GPHN: variants seen among roughly 807,000 people sequenced by gnomAD.
GPHN encodes gephyrin.
A neutral mutation model predicts 95.5 loss-of-function variants in GPHN; 17 were observed. That is an observed-to-expected ratio of 0.18 (90% confidence interval 0.12 to 0.27). The LOEUF (loss-of-function observed/expected upper bound fraction) is 0.27, where lower values mean the gene tolerates loss of function less well. GPHN is among the 10% of genes least tolerant of loss of function. The probability of loss-of-function intolerance (pLI) is 1.00; values close to 1 mark genes in which losing one functional copy is unlikely to be tolerated. For synonymous variants in GPHN, 320 were observed against 322.5 expected, an observed-to-expected ratio of 0.99 and a Z score of 0.08; for missense variants, 660 against 978.1, an observed-to-expected ratio of 0.67 and a Z score of 4.34.
At chr14:66,796,854 G>C (rs1431625800) in intron 3 of GPHN, among the ~76,000 whole-genome samples, 1 of 151,814 alleles carries the variant, frequency 6.6e-6, no homozygotes, top group Non-Finnish European at 1.5e-5. Context: ...TTTTGCTTTG[G>C]TTACCTATGC....
chr14:67,208,166 T>G, the GPHN span: 1 of 1,610,320 alleles, frequency 6.2e-7, no homozygotes. Context: ...GATGCTCTTC[T>G]GTTACCTGAT....
intron 12 of GPHN, among the ~76,000 whole-genome samples, chr14:67,098,230 G>A (rs117023397): frequency 0.019 from 2,933 of 152,182 alleles, 38 homozygotes; most frequent in Middle Eastern, 0.034. Flanking sequence ...TAGAAGCAGC[G>A]TCTAGGTTTA....
At chr14:67,073,061 T>A (rs77690662) in intron 11 of GPHN, among the ~76,000 whole-genome samples, 2,925 of 152,220 alleles carry the variant, frequency 0.019, 38 homozygotes, top group Middle Eastern at 0.034. Flanking sequence ...TTCCTGCATA[T>A]AAACTTTGTT....
chr14:67,257,671 A>G, the GPHN span, among the ~76,000 whole-genome samples: 2 of 152,198 alleles, frequency 1.3e-5, no homozygotes, highest in Non-Finnish European at 2.9e-5. Flanking sequence ...ATATGTATGT[A>G]TATATAACAT....
At chr14:66,702,907 G>A (rs1421794603) in intron 2 of GPHN, among the ~76,000 whole-genome samples, 1 of 152,182 alleles carries the variant, frequency 6.6e-6, no homozygotes, top group East Asian at 1.9e-4. Context: ...TAAAAGGTTA[G>A]AGGAGCTGCC....
chr14:67,606,084 C>T, the GPHN span, among the ~76,000 whole-genome samples: 1 of 152,112 alleles, frequency 6.6e-6, no homozygotes, highest in Non-Finnish European at 1.5e-5. Context: ...TATTTTTCCC[C>T]GACATTAATC....
the GPHN span, among the ~76,000 whole-genome samples, chr14:67,617,875 C>T: frequency 6.6e-6 from 1 of 152,210 alleles, no homozygotes; most frequent in Non-Finnish European, 1.5e-5. Flanking sequence ...TGCCCGCCAC[C>T]ATGCCCAGCT....
intron 2 of GPHN, among the ~76,000 whole-genome samples, chr14:66,773,264 C>A (rs1275965462): frequency 6.6e-6 from 1 of 151,914 alleles, no homozygotes; most frequent in East Asian, 1.9e-4. Flanking sequence ...TAGTTGAGTA[C>A]CAGAAATATT....
At chr14:66,945,551 C>G (rs377449450) in intron 8 of GPHN, among the ~76,000 whole-genome samples, 1 of 152,046 alleles carries the variant, frequency 6.6e-6, no homozygotes, top group Non-Finnish European at 1.5e-5. Context: ...ATGGGTACAC[C>G]GGAATCTCAG....
intron 17 of GPHN, among the ~76,000 whole-genome samples, chr14:67,139,091 C>T (rs1461590080): frequency 1.3e-5 from 2 of 151,408 alleles, no homozygotes; most frequent in Admixed American, 6.6e-5. Flanking sequence ...GCCATGGTGG[C>T]GGACATTTGT....
At chr14:67,195,156 G>T in the GPHN span, among the ~76,000 whole-genome samples, 2 of 152,172 alleles carry the variant, frequency 1.3e-5, no homozygotes, top group African/African-American at 2.4e-5. Context: ...AATAATTCCA[G>T]AACAATTATT....
At chr14:67,478,585 C>T in the GPHN span, among the ~76,000 whole-genome samples, 4 of 152,240 alleles carry the variant, frequency 2.6e-5, no homozygotes, top group African/African-American at 9.6e-5. Flanking sequence ...AGTGGATCTT[C>T]AACATCTACA....
chr14:66,875,212 C>T (rs2153530371), intron 4 of GPHN, among the ~76,000 whole-genome samples: 1 of 152,258 alleles, frequency 6.6e-6, no homozygotes, highest in East Asian at 1.9e-4. Context: ...AATGCTGAGA[C>T]AATTTGTCAT....
chr14:66,789,675 C>G (rs1211915096), intron 3 of GPHN, among the ~76,000 whole-genome samples: 1 of 152,124 alleles, frequency 6.6e-6, no homozygotes, highest in African/African-American at 2.4e-5. Flanking sequence ...TGTAAGAAAA[C>G]AGTGTGATGA....
chr14:67,244,803 C>G, the GPHN span, among the ~76,000 whole-genome samples: 1 of 152,130 alleles, frequency 6.6e-6, no homozygotes, highest in African/African-American at 2.4e-5. Context: ...CAAAGATATC[C>G]TAATCCCTGG....
Position 67,181,063 on chromosome 14 carries a change from A to G in GPHN, c.*126A>G. 2.5e-6 allele frequency: 2 copies of G among 793,464 alleles called. No homozygotes were observed. The highest frequency in any genetic ancestry group is 2.1e-6 in the Non-Finnish European group (1 of 474,590). The allele number at this position is 793,464 out of a possible 1,614,324, so 49.2% of individuals were successfully genotyped here. A position where few individuals can be genotyped will look rare whatever the true frequency, so the allele number is the denominator to read the frequency against. On this transcript the variant is annotated 3_prime_UTR_variant, in exon 23 of 23. Coordinates refer to ENST00000478722, the MANE Select transcript of GPHN (RefSeq NM_020806.5). ...TTGATCTGTATAGTCAACATCTTGA[A>G]CTATATTTCAAATGAATTTAAATAT...
chr14:66,910,416 T>C (rs1212115338), intron 5 of GPHN, among the ~76,000 whole-genome samples: 2 of 151,910 alleles, frequency 1.3e-5, no homozygotes, highest in East Asian at 3.9e-4. Flanking sequence ...ACATCTAGCA[T>C]TGTCAGGAGA....
chr14:67,585,081 C>T, the GPHN span: 1 of 154,364 alleles, frequency 6.5e-6, no homozygotes, highest in African/African-American at 2.4e-5. Flanking sequence ...ACTGATAGGG[C>T]CTAAAGCCAC....
At chr14:67,150,453 C>CAAAAAAAAAAAAAAAAAAAAA (rs1164806975) in intron 18 of GPHN, among the ~76,000 whole-genome samples, 5 of 98,066 alleles carry the variant, frequency 5.1e-5, no homozygotes, top group African/African-American at 1.2e-4. Flanking sequence ...AAAAAAAAAA[C>CAAAAAAAAAAAAAAAAAAAAA]AAAAAAAAAA....
Sources: allele counts gnomAD v4.1 joint callset (sites outside exome capture counted in the v4.1 genomes callset), GRCh38; gene constraint gnomAD v4.1.1; transcripts MANE v1.5; gene names NCBI Gene and HGNC (gene_info 2026-07-23, HGNC 2026-07-21).